The following SYN2 variants were observed in gnomAD, a reference collection of about 807,000 sequenced individuals.
SYN2 encodes the protein synapsin II.
SYN2 carries 19 observed loss-of-function variants against 50.9 expected under a neutral mutation model. That is an observed-to-expected ratio of 0.37 (90% CI 0.26 to 0.55). The LOEUF is 0.55. SYN2 is among the 20% of genes least tolerant of loss of function. The pLI is 0.81. For synonymous variants in SYN2, 255 were observed against 224.9 expected (o/e 1.13, Z -1.20); for missense variants, 587 against 576.4 (o/e 1.02, Z -0.19).
chr3:12,156,964 T>C (rs778657739), intron 5 of SYN2: 22 of 1,523,450 alleles, frequency 1.4e-5, no homozygotes, highest in Non-Finnish European at 1.9e-5. Flanking sequence ...AAAGGCAATA[T>C]TGGGTCAGTG....
chr3:12,109,174 G>A (rs1452033913), intron 1 of SYN2, among the ~76,000 whole-genome samples: 1 of 152,190 alleles, frequency 6.6e-6, no homozygotes, highest in Non-Finnish European at 1.5e-5. Flanking sequence ...GGAGAGGTGT[G>A]CAAGAAACAG....
intron 10 of SYN2, among the ~76,000 whole-genome samples, chr3:12,172,383 C>A (rs1697955796): frequency 2.6e-5 from 4 of 152,332 alleles, no homozygotes; most frequent in African/African-American, 9.6e-5. Flanking sequence ...AAACCACTCT[C>A]AAGTTTGACA....
chr3:12,004,953 CGG>C, intron 1 of SYN2, 25 bp downstream of exon 1: 1 of 488,400 alleles, frequency 2.0e-6, no homozygotes, highest in Admixed American at 4.2e-5. Flanking sequence ...CCGCCGCCCT[CGG>C]GGGTCGGGGT....
intron 1 of SYN2, among the ~76,000 whole-genome samples, chr3:12,021,436 T>A (rs1694132751): frequency 6.6e-6 from 1 of 152,222 alleles, no homozygotes; most frequent in African/African-American, 2.4e-5. Flanking sequence ...TGTATTTCTA[T>A]GAGTATACCA....
At chr3:12,157,409 G>A (rs557105001) in intron 5 of SYN2, 2 of 1,614,012 alleles carry the variant, frequency 1.2e-6, no homozygotes, top group Admixed American at 1.7e-5. Flanking sequence ...TTTCATACCG[G>A]AGCATTTTTT....
chr3:12,187,738 G>T (rs62240443), intron 12 of SYN2, 126 bp downstream of exon 12: 3 of 118,606 alleles, frequency 2.5e-5, no homozygotes, highest in Non-Finnish European at 4.3e-5. Flanking sequence ...GATGGGATTT[G>T]GTTTTTTTTT....
intron 1 of SYN2, among the ~76,000 whole-genome samples, chr3:12,095,526 C>A (rs1574937442): frequency 9.6e-6 from 1 of 104,048 alleles, no homozygotes; most frequent in African/African-American, 3.9e-5. Context: ...CCAGCCTGGG[C>A]GACAAAGCGA....
intron 1 of SYN2, among the ~76,000 whole-genome samples, chr3:12,036,969 T>A (rs970438824): frequency 1.3e-5 from 2 of 152,208 alleles, no homozygotes; most frequent in Admixed American, 6.5e-5. Flanking sequence ...ATATCCTAGT[T>A]TATCACTGTT....
At chr3:12,155,042 C>T (rs142184139) in intron 5 of SYN2, among the ~76,000 whole-genome samples, 1,638 of 24,060 alleles carry the variant, frequency 0.068, 9 homozygotes, top group Non-Finnish European at 0.11. Flanking sequence ...CAGACGAGAT[C>T]GGGCGCGTTC....
intron 1 of SYN2, among the ~76,000 whole-genome samples, chr3:12,104,913 A>G (rs1329340823): frequency 6.6e-6 from 1 of 152,194 alleles, no homozygotes; most frequent in Non-Finnish European, 1.5e-5. Context: ...CTTAGCGAAG[A>G]GGGAAGAGAT....
intron 10 of SYN2, among the ~76,000 whole-genome samples, chr3:12,173,469 A>G (rs1302868847): frequency 6.6e-6 from 1 of 152,166 alleles, no homozygotes; most frequent in Non-Finnish European, 1.5e-5. Context: ...GTTTTCAAGT[A>G]TCTGCTTTCT....
intron 1 of SYN2, among the ~76,000 whole-genome samples, chr3:12,006,634 C>T (rs6789117): frequency 0.05 from 7,597 of 152,220 alleles, 639 homozygotes; most frequent in African/African-American, 0.17. Flanking sequence ...CTGTTTGACT[C>T]CACTGCTTTC....
intron 1 of SYN2, among the ~76,000 whole-genome samples, chr3:12,107,576 T>C (rs1395380381): frequency 6.6e-6 from 1 of 152,080 alleles, no homozygotes; most frequent in Admixed American, 6.6e-5. Flanking sequence ...AGATGACTCA[T>C]GTGGAGGCTT....
At chr3:12,013,605 T>G (rs2125131702) in intron 1 of SYN2, among the ~76,000 whole-genome samples, 1 of 152,340 alleles carries the variant, frequency 6.6e-6, no homozygotes, top group African/African-American at 2.4e-5. Context: ...AGCTCTTCTA[T>G]TCTGTATTTT....
At chr3:12,182,114 A>C in intron 10 of SYN2, among the ~76,000 whole-genome samples, 1 of 152,322 alleles carries the variant, frequency 6.6e-6, no homozygotes, top group East Asian at 1.9e-4. Flanking sequence ...TGATACTGAG[A>C]AGGTAACACT....
intron 1 of SYN2, among the ~76,000 whole-genome samples, chr3:12,024,967 A>T (rs1335271527): frequency 6.6e-6 from 1 of 152,206 alleles, no homozygotes. Flanking sequence ...AAGACCTTAG[A>T]CTGGGAGGCT....
chr3:12,161,639 GT>G (rs1476972600), intron 6 of SYN2, 31 bp downstream of exon 6: 11 of 1,613,512 alleles, frequency 6.8e-6, no homozygotes, highest in Middle Eastern at 1.7e-4. Flanking sequence ...GTGCTTCAGG[GT>G]TGAACCAAGA....
chr3:12,037,650 A>G (rs930898919), intron 1 of SYN2, among the ~76,000 whole-genome samples: 1 of 151,982 alleles, frequency 6.6e-6, no homozygotes, highest in African/African-American at 2.4e-5. Context: ...TCAAGAACCT[A>G]CTCCTGAAAT....
chr3:12,158,934 G>A, intron 5 of SYN2: 1 of 1,416,906 alleles, frequency 7.1e-7, no homozygotes, highest in Non-Finnish European at 9.2e-7. Context: ...CCTCGCCCCA[G>A]GCTTTATGAG....
Sources: allele counts gnomAD v4.1 joint callset (sites outside exome capture counted in the v4.1 genomes callset), GRCh38; gene constraint gnomAD v4.1.1; transcripts MANE v1.5; gene names NCBI Gene and HGNC (gene_info 2026-07-23, HGNC 2026-07-21).